Variants in RPS24 observed in about 807,000 individuals in gnomAD.
The protein encoded by RPS24 is ribosomal protein S24, also known as small ribosomal subunit protein eS24.
For missense variants in RPS24, 100 were observed against 162.5 expected (o/e 0.62, Z 2.09); for synonymous variants, 72 against 55.6 (o/e 1.30, Z -1.31).
At chr10:78,048,208 C>T (rs962934692) in intron 4 of RPS24, among the ~76,000 whole-genome samples, 1 of 152,182 alleles carries the variant, frequency 6.6e-6, no homozygotes, top group Non-Finnish European at 1.5e-5. Context: ...GGTGGAATCT[C>T]TCAAACAAGA....
chr10:78,040,184 C>G lies in RPS24; in HGVS notation c.391-20C>G. ...TCTTTTCCCTCCTTTCTCTTTTTCCCTTCCCCGCCACTGATTCAGTGAGCT... is the reference window on the plus strand; with the variant it reads ...TCTTTTCCCTCCTTTCTCTTTTTCCGTTCCCCGCCACTGATTCAGTGAGCT... On this transcript the variant is annotated intron_variant, in intron 4 of 5. Coordinates refer to ENST00000372360, the MANE Select transcript of RPS24 (RefSeq NM_033022.4). 1 of 1,612,476 alleles carries G rather than the reference C, an allele frequency of 6.2e-7. No homozygotes were observed. Among genetic ancestry groups the G allele is most frequent in the Non-Finnish European group, 8.5e-7 (1 of 1,178,690 alleles).
chr10:78,035,787 G>T (rs772896927), intron 3 of RPS24, 67 bp downstream of exon 3: 21 of 1,358,660 alleles, frequency 1.5e-5, no homozygotes, highest in African/African-American at 2.8e-5. Context: ...TGTGTTGTGA[G>T]TGTGGTAAAA....
At chr10:78,041,110 C>T (rs1359047741), downstream of RPS24, among the ~76,000 whole-genome samples, 1 of 152,042 alleles carries the variant, frequency 6.6e-6, no homozygotes, top group African/African-American at 2.4e-5. Context: ...AAAGTACTGG[C>T]ATGAGCGACC....
chr10:78,044,866 T>G (rs991889321), downstream of RPS24, among the ~76,000 whole-genome samples: 1 of 151,708 alleles, frequency 6.6e-6, no homozygotes, highest in Non-Finnish European at 1.5e-5. Flanking sequence ...GGATTGTGTG[T>G]TCTTTTCACA....
At chr10:78,054,758 C>T in exon 5 of RPS24, 1 of 1,551,680 alleles carries the variant, frequency 6.4e-7, no homozygotes. Flanking sequence ...AACAGTGCTG[C>T]CAGGCGTGCC....
intron 3 of RPS24, among the ~76,000 whole-genome samples, chr10:78,036,773 A>T (rs1042807224): frequency 6.6e-6 from 1 of 152,180 alleles, no homozygotes; most frequent in African/African-American, 2.4e-5. Flanking sequence ...AGTGGAGATG[A>T]GTAGATCCGG....
chr10:78,052,448 A>G (rs1848108562), intron 4 of RPS24, among the ~76,000 whole-genome samples: 1 of 152,094 alleles, frequency 6.6e-6, no homozygotes, highest in Non-Finnish European at 1.5e-5. Flanking sequence ...CATTGTATAT[A>G]TTACCTTTTG....
chr10:78,051,053 G>C (rs1306674981), intron 4 of RPS24, among the ~76,000 whole-genome samples: 1 of 152,144 alleles, frequency 6.6e-6, no homozygotes, highest in Non-Finnish European at 1.5e-5. Flanking sequence ...AGACGGGCAT[G>C]GTGGTGAGCA....
rs996698952 is a variant in RPS24, at chr10:78,035,349, C to T, written c.4-3C>T. The T allele has an allele frequency of 9.9e-6, 16 of 1,613,718 alleles. No individual in the cohort carries two copies. Among genetic ancestry groups the T allele is most frequent in the Middle Eastern group, 1.7e-4 (1 of 6,058 alleles). ...TTATTAACCAGAGTGTTTATGTTTTCAGAACGACACCGTAACTATCCGCAC... is the reference window on the plus strand; with the variant it reads ...TTATTAACCAGAGTGTTTATGTTTTTAGAACGACACCGTAACTATCCGCAC... On this transcript the variant is annotated splice_polypyrimidine_tract_variant and splice_region_variant and intron_variant, in intron 1 of 5. Transcript: ENST00000372360.
chr10:78,040,303 TC>T, intron 5 of RPS24, 78 bp downstream of exon 5: 1 of 1,146,440 alleles, frequency 8.7e-7, no homozygotes, highest in Non-Finnish European at 1.3e-6. Flanking sequence ...TAAAAGCAGA[TC>T]ATGTGTAGTA....
At chr10:78,045,886 C>CAGAAA (rs2131989777) in intron 4 of RPS24, among the ~76,000 whole-genome samples, 1 of 152,056 alleles carries the variant, frequency 6.6e-6, no homozygotes, top group Admixed American at 6.5e-5. Flanking sequence ...CCTGTAATCT[C>CAGAAA]AATTACTCAG....
chr10:78,052,737 G>GGA (rs893871321), intron 4 of RPS24, among the ~76,000 whole-genome samples: 24 of 152,288 alleles, frequency 1.6e-4, no homozygotes, highest in African/African-American at 5.5e-4. Flanking sequence ...CTGGAAATGA[G>GGA]GAGAGAGAGA....
chr10:78,042,179 G>T (rs1419493666), downstream of RPS24, among the ~76,000 whole-genome samples: 5 of 152,194 alleles, frequency 3.3e-5, no homozygotes, highest in Non-Finnish European at 5.9e-5. Context: ...ATAACAATTG[G>T]CAGGGCTCCA....
At chr10:78,046,691 C>T (rs933703841) in intron 4 of RPS24, among the ~76,000 whole-genome samples, 2 of 152,090 alleles carry the variant, frequency 1.3e-5, no homozygotes, top group African/African-American at 4.8e-5. Flanking sequence ...ACTATTACCC[C>T]CATTTTATAG....
chr10:78,043,713 T>C (rs1356902738), downstream of RPS24, among the ~76,000 whole-genome samples: 1 of 152,204 alleles, frequency 6.6e-6, no homozygotes, highest in East Asian at 1.9e-4. Context: ...TAGCAGATAG[T>C]GTATGACTGT....
chr10:78,045,791 C>T (rs896333634), intron 4 of RPS24, among the ~76,000 whole-genome samples: 18 of 151,356 alleles, frequency 1.2e-4, no homozygotes, highest in Non-Finnish European at 1.8e-4. Context: ...GATCACTTGA[C>T]GTCAGGAGTT....
chr10:78,045,277 G>A (rs375341096), downstream of RPS24, among the ~76,000 whole-genome samples: 1 of 152,068 alleles, frequency 6.6e-6, no homozygotes, highest in Non-Finnish European at 1.5e-5. Flanking sequence ...GTGAGGCACC[G>A]CGCCTGGCCC....
At chr10:78,054,454 C>T (rs1848130449) in intron 4 of RPS24, 5 of 1,312,362 alleles carry the variant, frequency 3.8e-6, no homozygotes, top group Non-Finnish European at 5.2e-6. Context: ...GAATCCCAGG[C>T]CACAGGCGCA....
chr10:78,051,430 C>T (rs1202110537), intron 4 of RPS24, among the ~76,000 whole-genome samples: 1 of 152,230 alleles, frequency 6.6e-6, no homozygotes, highest in Non-Finnish European at 1.5e-5. Flanking sequence ...GTAATTTATT[C>T]CTTTTAATTA....
Sources: allele counts gnomAD v4.1 joint callset (sites outside exome capture counted in the v4.1 genomes callset), GRCh38; gene constraint gnomAD v4.1.1; transcripts MANE v1.5; gene names NCBI Gene and HGNC (gene_info 2026-07-23, HGNC 2026-07-21).